RGS12: variants seen among roughly 807,000 people sequenced by gnomAD.
RGS12 encodes the protein regulator of G protein signaling 12.
Under a neutral mutation model 120.1 loss-of-function variants are expected in RGS12, and 66 were observed. The ratio of observed to expected loss-of-function variants is 0.55; its 90% CI spans 0.45 to 0.67. The LOEUF (loss-of-function observed/expected upper bound fraction) is 0.67. Ranked by LOEUF, RGS12 falls within the 30% of genes least tolerant of loss-of-function variation. The pLI is 0.00. For missense variants in RGS12, 1,859 were observed against 1,957.7 expected (o/e 0.95, Z 0.95); for synonymous variants, 827 against 804.7 (o/e 1.03, Z -0.47).
chr4:3,438,214 AC>A (rs1274975409), intron 17 of RGS12, among the ~76,000 whole-genome samples: 1 of 151,932 alleles, frequency 6.6e-6, no homozygotes, highest in African/African-American at 2.4e-5. Flanking sequence ...CAAGGCCTCC[AC>A]CCTGGCATGG....
chr4:3,421,777 G>A (rs1407116021), intron 10 of RGS12, among the ~76,000 whole-genome samples: 5 of 152,210 alleles, frequency 3.3e-5, no homozygotes, highest in Non-Finnish European at 7.3e-5. Context: ...GGCTGGGGCT[G>A]ACTCCACCTC....
chr4:3,356,255 A>G (rs549072668), intron 3 of RGS12, among the ~76,000 whole-genome samples: 2 of 152,056 alleles, frequency 1.3e-5, no homozygotes, highest in East Asian at 3.9e-4. Context: ...GGGTTTCACC[A>G]TCTTGTCCAG....
chr4:3,294,986 T>G (rs1578661531), intron 1 of RGS12, among the ~76,000 whole-genome samples: 1 of 148,716 alleles, frequency 6.7e-6, no homozygotes, highest in Non-Finnish European at 1.5e-5. Flanking sequence ...GGTCAGGAGG[T>G]GGGAGGGAGG....
chr4:3,296,998 C>T (rs866031553), intron 1 of RGS12, among the ~76,000 whole-genome samples: 1 of 152,258 alleles, frequency 6.6e-6, no homozygotes, highest in Non-Finnish European at 1.5e-5. Flanking sequence ...TGCCTAGATT[C>T]TTCCATGAAG....
intron 3 of RGS12, among the ~76,000 whole-genome samples, chr4:3,380,606 A>T (rs919990459): frequency 1.3e-5 from 2 of 152,230 alleles, no homozygotes; most frequent in Non-Finnish European, 2.9e-5. Context: ...CCAAACCTCA[A>T]TTCTTGACTT....
intron 2 of RGS12, among the ~76,000 whole-genome samples, chr4:3,336,735 T>C (rs1262952860): frequency 6.6e-6 from 1 of 152,146 alleles, no homozygotes; most frequent in Non-Finnish European, 1.5e-5. Context: ...ACATCAAATG[T>C]AAAAACTCTA....
intron 4 of RGS12, among the ~76,000 whole-genome samples, chr4:3,394,883 G>A (rs1719891284): frequency 6.6e-6 from 1 of 151,904 alleles, no homozygotes; most frequent in Non-Finnish European, 1.5e-5. Flanking sequence ...AAAAAAAGAA[G>A]ACTGACTGGG....
chr4:3,356,870 C>T lies in RGS12; in HGVS notation c.1998+13817C>T, dbSNP rs1307082906. 2.6e-5 allele frequency among the ~76,000 whole-genome samples: 4 copies of T among 152,204 alleles called. No homozygotes were observed. The East Asian group carries it at 7.7e-4, about 29-fold the overall frequency. On this transcript the variant is annotated intron_variant, in intron 3 of 17. Coordinates refer to ENST00000336727, the MANE Select transcript of RGS12 (RefSeq NM_001394154.1). The stretch of plus-strand genomic sequence containing the variant: ...GCTATGAATATGGGTGTATAAATAC[C>T]TGTTCGAGTTCCTGCTTCCCATTCT...
intron 3 of RGS12, chr4:3,369,946 C>A (rs1041018316): frequency 3.9e-6 from 4 of 1,037,000 alleles, no homozygotes; most frequent in African/African-American, 1.7e-5. Flanking sequence ...AAAACAAATT[C>A]TCTGCAGCTG....
intron 1 of RGS12, chr4:3,314,157 A>T (rs2110395117): frequency 6.6e-6 from 1 of 151,962 alleles, no homozygotes; most frequent in Non-Finnish European, 1.5e-5. Context: ...ATTTATATTC[A>T]TTTTTTACTC....
At chr4:3,340,165 A>C (rs1203573615) in intron 2 of RGS12, among the ~76,000 whole-genome samples, 1 of 152,174 alleles carries the variant, frequency 6.6e-6, no homozygotes, top group Non-Finnish European at 1.5e-5. Flanking sequence ...CGTGTGTCTC[A>C]TGAGCACTGC....
In RGS12 at chr4:3,316,232, G is replaced by A. The variant is rs780709111; in HGVS notation, c.62G>A (p.Arg21Gln). The A allele has an allele frequency of 9.3e-5, 150 of 1,612,062 alleles. 2 individuals are homozygous for A. The East Asian group carries it at 2.5e-3, about 27-fold the overall frequency. ...PLPGPSPPRV[R>Q]SVEVARGRAG... ...CCTGGGCCGTCGCCCCCAAGGGTGC[G>A]GAGTGTGGAGGTTGCCCGGGGGAGG... is the stretch of plus-strand genomic sequence containing the variant. The change falls in exon 2 of 18, where the codon CGG becomes CAG. Residue 21 changes from arginine (R) to glutamine (Q), a missense_variant. This residue lies in a region of RGS12 where 967 missense variants were observed against 994.2 expected (regional missense o/e 0.97). Coordinates refer to ENST00000336727, the MANE Select transcript of RGS12 (RefSeq NM_001394154.1).
chr4:3,321,388 C>T (rs1725177634), intron 2 of RGS12, among the ~76,000 whole-genome samples: 1 of 152,182 alleles, frequency 6.6e-6, no homozygotes, highest in South Asian at 2.1e-4. Flanking sequence ...CATGCCAGTC[C>T]ACCCCACTCC....
intron 1 of RGS12, among the ~76,000 whole-genome samples, chr4:3,309,924 CTGG>C (rs2110381540): frequency 7.8e-6 from 1 of 127,472 alleles, no homozygotes; most frequent in African/African-American, 3.1e-5. Context: ...AGCTGGGACC[CTGG>C]AATGGCAGGT....
intron 1 of RGS12, among the ~76,000 whole-genome samples, chr4:3,297,467 C>T (rs1481941976): frequency 6.6e-6 from 1 of 152,210 alleles, no homozygotes; most frequent in Non-Finnish European, 1.5e-5. Flanking sequence ...GGAGGTTTAG[C>T]TCTCCTCTGT....
At chr4:3,329,049 T>C (rs1320935902) in intron 2 of RGS12, among the ~76,000 whole-genome samples, 1 of 152,088 alleles carries the variant, frequency 6.6e-6, no homozygotes, top group Non-Finnish European at 1.5e-5. Context: ...GGATTCCAGG[T>C]TGGAGAGCTG....
chr4:3,336,456 A>G (rs1712476621), intron 2 of RGS12, among the ~76,000 whole-genome samples: 1 of 152,158 alleles, frequency 6.6e-6, no homozygotes, highest in Non-Finnish European at 1.5e-5. Context: ...AAGTCTCTAT[A>G]TTGCCTCTTT....
chr4:3,424,107 C>T lies in RGS12; in HGVS notation c.3234+466C>T, dbSNP rs150401948. On this transcript the variant is annotated intron_variant, in intron 13 of 17. Transcript: ENST00000336727. ...GAACTCAGCTGGCATTTCCAGGCTG[C>T]GCCATTATGATGTGAATGGGGTTAA... Among the ~76,000 whole-genome samples the T allele has an allele frequency of 1.3e-3, 200 of 152,338 alleles. 1 individual carries two copies. The highest frequency in any genetic ancestry group is 4.4e-3 in the African/African-American group (183 of 41,586).
At chr4:3,334,497 T>G (rs1712223060) in intron 2 of RGS12, among the ~76,000 whole-genome samples, 1 of 152,178 alleles carries the variant, frequency 6.6e-6, no homozygotes, top group Non-Finnish European at 1.5e-5. Context: ...CTCATTATCT[T>G]TGTCGAGTTT....
Sources: gnomAD v4.1 joint callset for allele counts (sites outside exome capture counted in the v4.1 genomes callset) on GRCh38, gnomAD v4.1.1 for gene constraint, gnomAD v4.1.1 regional missense constraint, MANE v1.5 for transcripts, NCBI Gene and HGNC (gene_info 2026-07-23, HGNC 2026-07-21) for gene names.